Variants in MED13 observed in about 807,000 individuals in gnomAD.
MED13 encodes mediator complex subunit 13.
In MED13, 23 loss-of-function variants were observed where a neutral mutation model predicts 225.2. The observed-to-expected ratio is 0.10, with a 90% CI of 0.07 to 0.14. MED13 has a LOEUF of 0.14. MED13 is among the 10% of genes least tolerant of loss of function. The probability of loss-of-function intolerance (pLI) is 1.00; values close to 1 mark genes in which losing one functional copy is unlikely to be tolerated. For synonymous variants in MED13, 942 were observed against 889.2 expected, an observed-to-expected ratio of 1.06 and a Z score of -1.06; for missense variants, 2,197 against 2,594.5, an observed-to-expected ratio of 0.85 and a Z score of 3.33.
rs60862205 is a variant in MED13, at chr17:62,019,746, CTT to C, written c.1284-8515_1284-8514del. Among the ~76,000 whole-genome samples the C allele has an allele frequency of 4.0e-3, 567 of 142,946 alleles. 2 individuals are homozygous for C. The highest frequency in any genetic ancestry group is 0.013 in the African/African-American group (519 of 39,190). 93.8% of individuals were successfully genotyped at this position (142,946 alleles called of 152,430 possible). ...AGAGTACAATTGAATTTCTTTTTTT[CTT>C]TTTTTTTTTTTTGAGACGGAGCCTC... On this transcript the variant is annotated intron_variant, in intron 8 of 29. Transcript: ENST00000397786.
chr17:61,986,867 C>T (rs1163956497), intron 12 of MED13, 140 bp downstream of exon 12: 1 of 446,942 alleles, frequency 2.2e-6, no homozygotes, highest in Non-Finnish European at 3.7e-6. Context: ...AAAAAGAAAT[C>T]AATGAATGAG....
intron 21 of MED13, among the ~76,000 whole-genome samples, chr17:61,962,441 CTTG>C (rs1486422241): frequency 6.6e-6 from 1 of 152,104 alleles, no homozygotes. Context: ...TGCAACCTGT[CTTG>C]TTTAGGTACA....
rs2080262657 is a variant in MED13, at chr17:61,987,928, AG to A, written c.2264-801del. On this transcript the variant is annotated intron_variant, in intron 11 of 29. Transcript: ENST00000397786. Reference sequence around the variant, plus strand: ...CAGTTAATTTTTTTTTTTTTCCTCGAGTTGGGGTTTTGCCATATTGCCCAGA... The same window carrying A: ...CAGTTAATTTTTTTTTTTTTCCTCGATTGGGGTTTTGCCATATTGCCCAGA... Among the ~76,000 whole-genome samples the A allele has an allele frequency of 2.7e-5, 4 of 150,260 alleles. No individual in the cohort carries two copies. The South Asian group carries it at 8.4e-4, about 32-fold the overall frequency.
At chr17:61,996,672 T>C (rs1436149027) in intron 9 of MED13, among the ~76,000 whole-genome samples, 1 of 152,184 alleles carries the variant, frequency 6.6e-6, no homozygotes, top group African/African-American at 2.4e-5. Flanking sequence ...AGCCCATAAC[T>C]ACTTTATTTT....
chr17:61,985,235 G>A, intron 12 of MED13, 145 bp from the exon 13 acceptor site: 1 of 583,134 alleles, frequency 1.7e-6, no homozygotes, highest in South Asian at 2.5e-5. Context: ...ACATACTAGT[G>A]TTGAAAGATA....
Position 61,946,264 on chromosome 17 carries a change from C to T in MED13, c.*204G>A, listed in dbSNP as rs74355228. The T allele has an allele frequency of 5.2e-3, 2,689 of 518,852 alleles. 14 individuals are homozygous for T. The highest frequency in any genetic ancestry group is 7.0e-3 in the Non-Finnish European group (2,130 of 304,112). The allele number at this position is 518,852 out of a possible 1,614,324, so 32.1% of individuals were successfully genotyped here. A position where few individuals can be genotyped will look rare whatever the true frequency, so the allele number is the denominator to read the frequency against. On this transcript the variant is annotated 3_prime_UTR_variant, in exon 30 of 30. Coordinates refer to ENST00000397786, the MANE Select transcript of MED13 (RefSeq NM_005121.3). Reference sequence around the variant, plus strand: ...TTATAATACGTTTTGTATGATCAGTCATCATCCTAAAGAGTTCAATAGAGT... The same window carrying T: ...TTATAATACGTTTTGTATGATCAGTTATCATCCTAAAGAGTTCAATAGAGT...
At chr17:62,023,985 T>G (rs148390824) in intron 8 of MED13, among the ~76,000 whole-genome samples, 1 of 152,100 alleles carries the variant, frequency 6.6e-6, no homozygotes, top group Non-Finnish European at 1.5e-5. Context: ...AATCTCTATA[T>G]GCCTCTGAGA....
At chr17:62,042,548 A>G (rs1373003507) in intron 3 of MED13, among the ~76,000 whole-genome samples, 3 of 139,300 alleles carry the variant, frequency 2.2e-5, no homozygotes, top group African/African-American at 8.9e-5. Flanking sequence ...GTGACAGAGC[A>G]AGGTTTCATC....
chr17:62,050,180 G>A (rs545884812), intron 3 of MED13, among the ~76,000 whole-genome samples: 46 of 151,744 alleles, frequency 3.0e-4, no homozygotes, highest in African/African-American at 9.9e-4. Context: ...CCAACATGGC[G>A]AAACCTGTCT....
At chr17:61,959,320 T>C (rs1453144819) in intron 23 of MED13, among the ~76,000 whole-genome samples, 1 of 152,132 alleles carries the variant, frequency 6.6e-6, no homozygotes, top group Non-Finnish European at 1.5e-5. Context: ...AGCCCCATCA[T>C]TGCCCCTCTT....
chr17:62,040,594 T>C (rs573352489), intron 3 of MED13, among the ~76,000 whole-genome samples: 6 of 152,224 alleles, frequency 3.9e-5, no homozygotes, highest in Admixed American at 3.9e-4. Flanking sequence ...AAAAATGATA[T>C]CCCATTTGCC....
chr17:62,001,852 G>A (rs989962040), intron 9 of MED13, among the ~76,000 whole-genome samples: 1 of 152,060 alleles, frequency 6.6e-6, no homozygotes. Flanking sequence ...AGAAACTTCA[G>A]TTTTATTGAA....
intron 9 of MED13, chr17:62,007,254 C>A (rs2080458903): frequency 6.6e-6 from 1 of 151,824 alleles, no homozygotes; most frequent in Admixed American, 6.6e-5. Flanking sequence ...AACAAAAAAA[C>A]AAAAAACAAC....
chr17:62,018,355 A>AT (rs2080603312), intron 8 of MED13, among the ~76,000 whole-genome samples: 1 of 152,230 alleles, frequency 6.6e-6, no homozygotes, highest in African/African-American at 2.4e-5. Flanking sequence ...ACAATACGGT[A>AT]TAACAACTAT....
At position 61,965,426 on chromosome 17, in the gene MED13, G is replaced by T. The variant is rs199700127; in HGVS notation, c.4424C>A (p.Ser1475Tyr). The T allele has an allele frequency of 1.1e-4, 181 of 1,614,162 alleles. No homozygotes were observed. Among genetic ancestry groups the T allele is most frequent in the Middle Eastern group, 8.2e-4 (5 of 6,062 alleles). The change falls in exon 20 of 30, where the codon TCC (serine) becomes TAC (tyrosine). Residue 1475 changes from serine to tyrosine, a missense_variant. Ser to Tyr is a moderately radical substitution (Grantham distance 144, BLOSUM62 -2). Coordinates refer to ENST00000397786, the MANE Select transcript of MED13 (RefSeq NM_005121.3). ...ASLPLDSSLL[S>Y]QPNLVAPTSQ... ...TGTAGGGGCAACTAAATTTGGCTGG[G>T]AAAGTAGAGAGCTGTCCAATGGCAG... is the stretch of plus-strand genomic sequence containing the variant.
In MED13 at chr17:61,968,351, A is replaced by T. The variant is rs191816044; in HGVS notation, c.3968-93T>A. 54 of 956,620 alleles carry T rather than the reference A, an allele frequency of 5.6e-5. No individual in the cohort carries two copies. In the African/African-American group the frequency reaches 7.9e-4, roughly 14 times the overall value. 59.3% of individuals were successfully genotyped at this position (956,620 alleles called of 1,614,324 possible). On this transcript the variant is annotated intron_variant, in intron 17 of 29. Coordinates refer to ENST00000397786, the MANE Select transcript of MED13 (RefSeq NM_005121.3). ...TTTATTTATTTATTTTTTGAGACAG[A>T]GTCTCGCTCTGTCGCCCAGACTGGA...
chr17:62,016,658 A>G (rs1000282067), intron 8 of MED13, among the ~76,000 whole-genome samples: 1 of 152,198 alleles, frequency 6.6e-6, no homozygotes, highest in African/African-American at 2.4e-5. Flanking sequence ...AAATATCACT[A>G]ATGTTTCATC....
At position 61,965,083 on chromosome 17, in the gene MED13, T is replaced by C; in HGVS notation, c.4767A>G (p.Thr1589=). Residue 1589 remains threonine, a synonymous_variant, in exon 20 of 30, where the codon ACA becomes ACG. Transcript: ENST00000397786. ...VQSGQLGGQQ[T]SALQTAGISG... is the part of the protein sequence containing the mutation. ...AAATCCCAGCTGTCTGTAGAGCTGA[T>C]GTCTGTTGCCCTCCTAGCTGACCAC... 6.2e-7 allele frequency: 1 copy of C among 1,614,200 alleles called. No homozygotes were observed. The highest frequency in any genetic ancestry group is 8.5e-7 in the Non-Finnish European group (1 of 1,180,004).
chr17:61,993,185 T>G (rs1032971640), intron 10 of MED13, among the ~76,000 whole-genome samples: 21 of 136,520 alleles, frequency 1.5e-4, no homozygotes, highest in Non-Finnish European at 2.1e-4. Context: ...GTCCATGTTC[T>G]TTCTTTCTTT....
Sources: allele counts gnomAD v4.1 joint callset (sites outside exome capture counted in the v4.1 genomes callset), GRCh38; gene constraint gnomAD v4.1.1; transcripts MANE v1.5; gene names NCBI Gene and HGNC (gene_info 2026-07-23, HGNC 2026-07-21).